BSCL2: variants seen among roughly 807,000 people sequenced by gnomAD.
BSCL2 encodes BSCL2 lipid droplet biogenesis associated, seipin, also known as seipin.
A neutral mutation model predicts 57.4 loss-of-function variants in BSCL2; 41 were observed. The ratio of observed to expected loss-of-function variants is 0.71; its 90% CI spans 0.56 to 0.93. The LOEUF is 0.93. BSCL2 is among the 40% of genes least tolerant of loss of function. The probability of loss-of-function intolerance (pLI) is 0.00; values close to 1 mark genes in which losing one functional copy is unlikely to be tolerated. For missense variants in BSCL2, 539 were observed against 586.7 expected, an observed-to-expected ratio of 0.92 and a Z score of 0.84; for synonymous variants, 237 against 227.3, an observed-to-expected ratio of 1.04 and a Z score of -0.38.
intron 2 of BSCL2, among the ~76,000 whole-genome samples, chr11:62,704,141 AAAAG>A (rs999619642): frequency 6.7e-6 from 1 of 150,358 alleles, no homozygotes; most frequent in Non-Finnish European, 1.5e-5. Context: ...AAAAAAAAAA[AAAAG>A]AAGAAGAAGA....
chr11:62,696,471 A>AT (rs1338494667), intron 3 of BSCL2, among the ~76,000 whole-genome samples: 244 of 147,102 alleles, frequency 1.7e-3, no homozygotes, highest in Non-Finnish European at 2.2e-3. Context: ...TGCAACTAAA[A>AT]ATTTTTTTTT....
intron 4 of BSCL2, among the ~76,000 whole-genome samples, chr11:62,693,033 C>T (rs546888647): frequency 5.3e-4 from 81 of 152,274 alleles, no homozygotes; most frequent in African/African-American, 1.9e-3. Flanking sequence ...TTCCAAGAAA[C>T]CTTCCTAGAT....
At position 62,707,371 on chromosome 11, in the gene BSCL2, G is replaced by A. The variant is rs749612925; in HGVS notation, c.-176C>T. 89 of 723,452 alleles carry A rather than the reference G, an allele frequency of 1.2e-4. No individual in the cohort carries two copies. The highest frequency in any genetic ancestry group is 2.0e-4 in the Non-Finnish European group (80 of 403,590). The allele number at this position is 723,452 out of a possible 1,614,324, so 44.8% of individuals were successfully genotyped here. On this transcript the variant is annotated 5_prime_UTR_variant, in exon 1 of 11. Transcript: ENST00000360796. ...AGGTGCTAAGTGCTGTGTCAGAGTA[G>A]AGGGAGGAAAGGAGGAGGGGGGCGA...
intron 6 of BSCL2, among the ~76,000 whole-genome samples, chr11:62,692,029 G>A (rs1285553304): frequency 6.7e-6 from 1 of 148,568 alleles, no homozygotes; most frequent in African/African-American, 2.5e-5. Context: ...TCCAGCCTAG[G>A]CAACAGAGCA....
intron 6 of BSCL2, among the ~76,000 whole-genome samples, chr11:62,692,052 A>G (rs1161067102): frequency 1.9e-3 from 22 of 11,832 alleles, no homozygotes; most frequent in Admixed American, 6.0e-3. Context: ...ACCCCCTCTT[A>G]AAAAAAAAAA....
rs181967405 is a variant in BSCL2 at position 62,700,619 on chromosome 11, C to A, written c.486+1849G>T. Among the ~76,000 whole-genome samples the A allele has an allele frequency of 1.4e-3, 207 of 151,888 alleles. 2 individuals are homozygous for A. Among genetic ancestry groups the A allele is most frequent in the Admixed American group, 3.3e-4 (5 of 15,216 alleles). On this transcript the variant is annotated intron_variant, in intron 3 of 10. Coordinates refer to ENST00000360796, the MANE Select transcript of BSCL2 (RefSeq NM_001122955.4). ...TCGTGCCATTGCACTGTAGCCTGGG[C>A]GACAGGAAAGAAACTCCGTCTCAAA...
chr11:62,705,741 T>C, intron 1 of BSCL2, 124 bp from the exon 2 acceptor site: 3 of 965,696 alleles, frequency 3.1e-6, no homozygotes, highest in Admixed American at 2.9e-5. Context: ...GTTTCATATA[T>C]ATGGCCTTTC....
chr11:62,698,041 A>G (rs1358022004), intron 3 of BSCL2, among the ~76,000 whole-genome samples: 2 of 141,200 alleles, frequency 1.4e-5, no homozygotes, highest in African/African-American at 5.3e-5. Context: ...CCGAGTAGCT[A>G]GGACTACAGG....
intron 1 of BSCL2, chr11:62,706,804 A>C (rs910725023): frequency 5.2e-6 from 3 of 576,804 alleles, no homozygotes. Flanking sequence ...CCCTGTTCCC[A>C]GCGTGGTAGC....
chr11:62,692,821 C>T lies in BSCL2; in HGVS notation c.631-24G>A. On this transcript the variant is annotated intron_variant, in intron 4 of 10. Coordinates refer to ENST00000360796, the MANE Select transcript of BSCL2 (RefSeq NM_001122955.4). The stretch of plus-strand genomic sequence containing the variant: ...ACCTGCCGGGGGTGGGAAGCAGAGG[C>T]TGGGGACAGGTGCATGCCAGATCCC... 4.3e-6 allele frequency: 7 copies of T among 1,612,040 alleles called. No individual in the cohort carries two copies. The South Asian group carries it at 6.6e-5, about 15-fold the overall frequency.
At chr11:62,700,927 T>G (rs1945620653) in intron 3 of BSCL2, among the ~76,000 whole-genome samples, 4 of 147,698 alleles carry the variant, frequency 2.7e-5, no homozygotes, top group Admixed American at 2.1e-4. Context: ...CACTCCAGTC[T>G]TGGCGACAGA....
intron 10 of BSCL2, 41 bp from the exon 11 acceptor site, chr11:62,690,562 T>G: frequency 6.2e-7 from 1 of 1,614,030 alleles, no homozygotes; most frequent in Non-Finnish European, 8.5e-7. Context: ...AAATGGGATA[T>G]TAGATTAACC....
At position 62,691,419 on chromosome 11, in the gene BSCL2, T is replaced by C. The variant is rs760470794; in HGVS notation, c.866A>G (p.Tyr289Cys). 5.7e-5 allele frequency: 92 copies of C among 1,614,020 alleles called. No homozygotes were observed. Among genetic ancestry groups the C allele is most frequent in the Non-Finnish European group, 7.3e-5 (86 of 1,180,014 alleles). Residue 289 changes from tyrosine (Y) to cysteine (C), a missense_variant and splice_region_variant, in exon 7 of 11, where the codon TAC (tyrosine) becomes TGC (cysteine). By Grantham distance (194) the Tyr-to-Cys change is radical. Transcript: ENST00000360796. The stretch of plus-strand genomic sequence containing the variant: ...GGTCATCGGGAAGTTGTATAGCAGG[T>C]ATCTGAGGCAGGAAGTAGGGACAAG... ...RIHAHFTGLRYLLYNFPMTCA... is the reference protein window; with the variant it reads ...RIHAHFTGLRCLLYNFPMTCA...
At position 62,707,056 on chromosome 11, in the gene BSCL2, A is replaced by G. The variant is rs372962222; in HGVS notation, c.87+53T>C. On this transcript the variant is annotated intron_variant, in intron 1 of 10. Coordinates refer to ENST00000360796, the MANE Select transcript of BSCL2 (RefSeq NM_001122955.4). ...TCCATCCCCCCGCCCCCTTCACGCCAGCCCACCTATTTCCAGTATATTTCT... is the reference window on the plus strand; with the variant it reads ...TCCATCCCCCCGCCCCCTTCACGCCGGCCCACCTATTTCCAGTATATTTCT... 1.5e-4 allele frequency: 216 copies of G among 1,472,568 alleles called. 1 individual carries two copies. The highest frequency in any genetic ancestry group is 2.0e-4 in the Non-Finnish European group (213 of 1,075,908). 91.2% of individuals were successfully genotyped at this position (1,472,568 alleles called of 1,614,324 possible).
In BSCL2 at chr11:62,690,314, G is replaced by C. The variant is rs1401816370; in HGVS notation, c.*53C>G. 6.2e-7 allele frequency: 1 copy of C among 1,611,874 alleles called. No individual in the cohort carries two copies. The highest frequency in any genetic ancestry group is 1.7e-5 in the Admixed American group (1 of 60,026). ...ATAGTTTATTGAAGGAAAAACGAGG[G>C]GAGAGGAGTCAGGTGGGAAAGTGCT... On this transcript the variant is annotated 3_prime_UTR_variant, in exon 11 of 11. Coordinates refer to ENST00000360796, the MANE Select transcript of BSCL2 (RefSeq NM_001122955.4).
chr11:62,690,579 C>T (rs147311459), intron 10 of BSCL2, 33 bp downstream of exon 10: 3 of 1,613,976 alleles, frequency 1.9e-6, no homozygotes, highest in Non-Finnish European at 2.5e-6. Context: ...AACCGGGGGC[C>T]CCACCCAGGT....
intron 1 of BSCL2, chr11:62,706,307 C>T (rs1483972218): frequency 1.8e-6 from 2 of 1,116,868 alleles, no homozygotes; most frequent in Admixed American, 5.0e-5. Flanking sequence ...TTCCGGCTCC[C>T]GGGGAAGTCC....
intron 10 of BSCL2, 25 bp downstream of exon 10, chr11:62,690,587 G>A: frequency 6.2e-7 from 1 of 1,613,986 alleles, no homozygotes; most frequent in South Asian, 1.1e-5. Context: ...GCCCCACCCA[G>A]GTCACGCTGC....
At chr11:62,706,312 AAGTCC>A in intron 1 of BSCL2, 1 of 1,115,384 alleles carries the variant, frequency 9.0e-7, no homozygotes, top group Non-Finnish European at 1.1e-6. Context: ...GCTCCCGGGG[AAGTCC>A]CGCCCCTCTC....
Sources: gnomAD v4.1 joint callset for allele counts (sites outside exome capture counted in the v4.1 genomes callset) on GRCh38, gnomAD v4.1.1 for gene constraint, MANE v1.5 for transcripts, NCBI Gene and HGNC (gene_info 2026-07-23, HGNC 2026-07-21) for gene names.